The following TNIP3 variants were observed in gnomAD, a reference collection of about 807,000 sequenced individuals.
TNIP3 encodes TNFAIP3 interacting protein 3.
Under a neutral mutation model 54.1 loss-of-function variants are expected in TNIP3, and 34 were observed. The ratio of observed to expected loss-of-function variants is 0.63; its 90% CI spans 0.48 to 0.84. The LOEUF is 0.84. Ranked by LOEUF, TNIP3 falls within the 40% of genes least tolerant of loss-of-function variation. The pLI, the probability that TNIP3 is intolerant of heterozygous loss-of-function variation, is 0.00. For missense variants in TNIP3, 366 were observed against 387.6 expected, an observed-to-expected ratio of 0.94 and a Z score of 0.47; for synonymous variants, 134 against 136.8, an observed-to-expected ratio of 0.98 and a Z score of 0.14.
chr4:121,164,001 A>G (rs771200872), intron 1 of TNIP3, 59 bp downstream of exon 1: 251 of 1,588,006 alleles, frequency 1.6e-4, no homozygotes, highest in Non-Finnish European at 2.1e-4. Flanking sequence ...ACAATTAACC[A>G]CTAGAAATGC....
At chr4:121,198,830 C>T (rs1050708628) in intron 2 of TNIP3, among the ~76,000 whole-genome samples, 2 of 152,100 alleles carry the variant, frequency 1.3e-5, no homozygotes, top group Non-Finnish European at 2.9e-5. Context: ...ACAAGCTGTT[C>T]TTTCAAAGTA....
intron 7 of TNIP3, among the ~76,000 whole-genome samples, chr4:121,143,516 T>C (rs920262338): frequency 1.3e-5 from 2 of 152,208 alleles, no homozygotes; most frequent in African/African-American, 2.4e-5. Context: ...TGTCCTCTTA[T>C]GTAGTGTTGT....
chr4:121,168,525 T>C (rs867904080), upstream of TNIP3, among the ~76,000 whole-genome samples: 38 of 150,564 alleles, frequency 2.5e-4, no homozygotes, highest in African/African-American at 8.8e-4. Flanking sequence ...TCTTTGCTTT[T>C]TTTTTTTTTT....
At position 121,164,182 on chromosome 4, in the gene TNIP3, C is replaced by T. The variant is rs751369229; in HGVS notation, c.-57G>A. The stretch of plus-strand genomic sequence containing the variant: ...AGAAAGAAAAACAGGGGAAAAGTCT[C>T]TTAAGGTATATTTTAGGGTGAGAGC... On this transcript the variant is annotated 5_prime_UTR_variant, in exon 1 of 11. Coordinates refer to ENST00000057513, the MANE Select transcript of TNIP3 (RefSeq NM_024873.6). The T allele has an allele frequency of 9.8e-5, 158 of 1,612,056 alleles. No homozygotes were observed. The highest frequency in any genetic ancestry group is 3.3e-4 in the Middle Eastern group (2 of 6,080).
At chr4:121,216,315 C>T (rs944023509) in intron 2 of TNIP3, 7 of 1,023,896 alleles carry the variant, frequency 6.8e-6, no homozygotes, top group East Asian at 2.6e-5. Flanking sequence ...CAGACAGCTT[C>T]TCTTCTACTC....
intron 4 of TNIP3, 121 bp downstream of exon 4, chr4:121,156,973 C>T: frequency 3.0e-6 from 4 of 1,311,690 alleles, no homozygotes; most frequent in South Asian, 1.3e-5. Flanking sequence ...CACCCTTGCA[C>T]ATCGGTCGTT....
intron 2 of TNIP3, among the ~76,000 whole-genome samples, chr4:121,212,767 T>C (rs935157846): frequency 6.6e-6 from 1 of 152,332 alleles, no homozygotes. Flanking sequence ...TTACCGCAAC[T>C]GTATAAATGA....
At chr4:121,143,510 C>A (rs1325325950) in intron 7 of TNIP3, among the ~76,000 whole-genome samples, 1 of 152,106 alleles carries the variant, frequency 6.6e-6, no homozygotes, top group Non-Finnish European at 1.5e-5. Context: ...TTATTCTGTC[C>A]TCTTATGTAG....
intron 2 of TNIP3, among the ~76,000 whole-genome samples, chr4:121,199,118 A>C (rs1051095503): frequency 2.6e-5 from 4 of 152,216 alleles, no homozygotes; most frequent in Admixed American, 1.3e-4. Flanking sequence ...AGCTGAAAGC[A>C]CTGAGCAAGG....
chr4:121,140,204 T>C (rs917149497), intron 9 of TNIP3, among the ~76,000 whole-genome samples: 4 of 152,086 alleles, frequency 2.6e-5, no homozygotes, highest in African/African-American at 9.7e-5. Flanking sequence ...TGTGGTGGTG[T>C]GTGCCTGTAG....
intron 3 of TNIP3, among the ~76,000 whole-genome samples, chr4:121,177,148 A>G (rs2148824656): frequency 6.6e-6 from 1 of 152,324 alleles, no homozygotes; most frequent in Middle Eastern, 3.4e-3. Flanking sequence ...CCTTTCTTTT[A>G]TATTTGAAGA....
intron 2 of TNIP3, among the ~76,000 whole-genome samples, chr4:121,213,454 C>T (rs187876393): frequency 3.6e-4 from 55 of 152,158 alleles, no homozygotes; most frequent in East Asian, 2.7e-3. Flanking sequence ...CAGCCAGGCA[C>T]GGTGGCTCAC....
rs188369552 is a variant in TNIP3, at chr4:121,225,956, T to G, written c.3+1429A>C. Reference sequence around the variant, plus strand: ...TATTTAACAGTCAATTTCCCATGTTTAAAAATTATTATTTCTTCCTCATTC... The same window carrying G: ...TATTTAACAGTCAATTTCCCATGTTGAAAAATTATTATTTCTTCCTCATTC... On this transcript the variant is annotated intron_variant, in intron 1 of 12. Transcript: ENST00000509841. 2.6e-5 allele frequency among the ~76,000 whole-genome samples: 4 copies of G among 152,300 alleles called. No homozygotes were observed. The East Asian group carries it at 5.8e-4, about 22-fold the overall frequency.
chr4:121,184,165 T>C (rs1724874499), intron 2 of TNIP3, among the ~76,000 whole-genome samples: 1 of 152,178 alleles, frequency 6.6e-6, no homozygotes, highest in African/African-American at 2.4e-5. Flanking sequence ...GTATATTTTT[T>C]TGCCTGACTC....
chr4:121,173,730 G>C (rs1229884542), intron 3 of TNIP3, among the ~76,000 whole-genome samples: 1 of 152,124 alleles, frequency 6.6e-6, no homozygotes, highest in East Asian at 1.9e-4. Flanking sequence ...CCGAGTTCAA[G>C]CAATTCTCCT....
At chr4:121,164,427 T>C (rs886732051), upstream of TNIP3, 2 of 915,786 alleles carry the variant, frequency 2.2e-6, no homozygotes, top group Non-Finnish European at 2.8e-6. Flanking sequence ...CTGGGGCAGA[T>C]TAGCCTTGCT....
At chr4:121,222,915 C>T (rs1376256152) in intron 1 of TNIP3, among the ~76,000 whole-genome samples, 2 of 149,768 alleles carry the variant, frequency 1.3e-5, no homozygotes, top group East Asian at 2.0e-4. Context: ...ACGCTATTCT[C>T]CTGCCTCAGC....
intron 2 of TNIP3, among the ~76,000 whole-genome samples, chr4:121,196,919 T>C (rs1725620115): frequency 1.3e-5 from 2 of 151,924 alleles, no homozygotes; most frequent in African/African-American, 4.8e-5. Flanking sequence ...TATCAGTCAT[T>C]AAAAAAATGT....
At chr4:121,212,980 G>GA (rs200710043) in intron 2 of TNIP3, among the ~76,000 whole-genome samples, 53 of 150,900 alleles carry the variant, frequency 3.5e-4, no homozygotes, top group East Asian at 2.3e-3. Flanking sequence ...CCTTTTACGA[G>GA]AAAAAAAAAT....
Sources: allele counts gnomAD v4.1 joint callset (sites outside exome capture counted in the v4.1 genomes callset), GRCh38; gene constraint gnomAD v4.1.1; transcripts MANE v1.5; gene names NCBI Gene and HGNC (gene_info 2026-07-23, HGNC 2026-07-21).